The following ODF2 variants were observed in gnomAD, a reference collection of about 807,000 sequenced individuals.
ODF2 encodes the protein outer dense fiber of sperm tails 2.
A neutral mutation model predicts 110.2 loss-of-function variants in ODF2; 47 were observed. The ratio of observed to expected loss-of-function variants is 0.43; its 90% CI spans 0.34 to 0.54. The LOEUF (loss-of-function observed/expected upper bound fraction) is 0.54, where lower values mean the gene tolerates loss of function less well. Among genes scored for constraint, ODF2 ranks in the 20% least tolerant of loss-of-function variants. ODF2 has a pLI of 0.03. For missense variants in ODF2, 812 were observed against 1,054.5 expected (o/e 0.77, Z 3.19); for synonymous variants, 352 against 397.7 (o/e 0.89, Z 1.37).
At chr9:128,469,988 A>C (rs1489893895) in intron 5 of ODF2, among the ~76,000 whole-genome samples, 10 of 22,702 alleles carry the variant, frequency 4.4e-4, no homozygotes, top group African/African-American at 2.1e-3. Flanking sequence ...TGTCTCAAAA[A>C]AAAAAAAAAA....
intron 8 of ODF2, among the ~76,000 whole-genome samples, chr9:128,479,961 G>T (rs530508727): frequency 6.6e-6 from 1 of 152,074 alleles, no homozygotes; most frequent in African/African-American, 2.4e-5. Flanking sequence ...TGAATTTTAC[G>T]CTTAAAAATG....
At chr9:128,482,687 T>C in intron 9 of ODF2, 129 bp from the exon 10 acceptor site, 2 of 564,710 alleles carry the variant, frequency 3.5e-6, no homozygotes, top group South Asian at 2.7e-5. Flanking sequence ...CCTACCAGAA[T>C]CTCTGACATG....
chr9:128,469,744 C>T lies in ODF2; in HGVS notation c.420+391C>T, dbSNP rs1839232462. 2.6e-5 allele frequency among the ~76,000 whole-genome samples: 4 copies of T among 151,410 alleles called. 1 individual carries two copies. In the South Asian group the frequency reaches 8.4e-4, roughly 32 times the overall value. Reference sequence around the variant, plus strand: ...GCATGGTGGCTCACGCCTGTAATCCCAGCACTTTGGGAGGCGGATCCCCTG... The same window carrying T: ...GCATGGTGGCTCACGCCTGTAATCCTAGCACTTTGGGAGGCGGATCCCCTG... On this transcript the variant is annotated intron_variant, in intron 5 of 20. Coordinates refer to ENST00000604420, the Ensembl canonical transcript of ODF2.
At chr9:128,457,732 C>T (rs747697757) in intron 2 of ODF2, among the ~76,000 whole-genome samples, 1 of 151,938 alleles carries the variant, frequency 6.6e-6, no homozygotes. Flanking sequence ...TGAAGGGAGT[C>T]GAGGTGTAAA....
chr9:128,455,288 A>C (rs1382161200), upstream of ODF2: 94 of 1,485,824 alleles, frequency 6.3e-5, no homozygotes, highest in Non-Finnish European at 8.2e-5. Context: ...GCGGAGGCTC[A>C]AGCCTGTAAT....
Position 128,485,573 on chromosome 9 carries a change from G to C in ODF2, c.1400+99G>C, listed in dbSNP as rs1052281986. Reference sequence around the variant, plus strand: ...GCTCAGGGAAGGCCACGTGGCTGCTGTTTGTACTCTCCGGGTTGGGGGCTG... The same window carrying C: ...GCTCAGGGAAGGCCACGTGGCTGCTCTTTGTACTCTCCGGGTTGGGGGCTG... On this transcript the variant is annotated intron_variant, in intron 13 of 20. Transcript: ENST00000604420. The surrounding 1 kb of genome is among the most constrained non-coding windows in gnomAD (Gnocchi z 5.0). 16 of 672,360 alleles carry C rather than the reference G, an allele frequency of 2.4e-5. No individual in the cohort carries two copies. In the South Asian group the frequency reaches 2.4e-4, roughly 10 times the overall value. The allele number at this position is 672,360 out of a possible 1,614,324, so 41.6% of individuals were successfully genotyped here.
At chr9:128,456,458 G>A in intron 1 of ODF2, 3 of 1,517,650 alleles carry the variant, frequency 2.0e-6, no homozygotes, top group Non-Finnish European at 2.6e-6. Flanking sequence ...CCGCTAACGG[G>A]CGGTCGGCCG....
At chr9:128,465,465 G>T (rs1283863898) in intron 4 of ODF2, among the ~76,000 whole-genome samples, 3 of 152,038 alleles carry the variant, frequency 2.0e-5, no homozygotes, top group Non-Finnish European at 4.4e-5. Context: ...GTGATCAGCC[G>T]GGCGCGGTGG....
rs1167647101 is a variant in ODF2, at chr9:128,477,168, A to G, written c.843+3427A>G. On this transcript the variant is annotated intron_variant, in intron 8 of 20. Coordinates refer to ENST00000604420, the Ensembl canonical transcript of ODF2. Reference sequence around the variant, plus strand: ...AATTGCTTGAACCCAGGAGGGGGGAAGTTGCAGTGAGCCTAGATTGCACCA... The same window carrying G: ...AATTGCTTGAACCCAGGAGGGGGGAGGTTGCAGTGAGCCTAGATTGCACCA... Among the ~76,000 whole-genome samples the G allele has an allele frequency of 3.4e-5, 5 of 148,632 alleles. No individual in the cohort carries two copies. The East Asian group carries it at 6.2e-4, about 19-fold the overall frequency.
At position 128,472,991 on chromosome 9, in the gene ODF2, G is replaced by A. The variant is rs745998514; in HGVS notation, c.660G>A (p.Ala220=). Reference sequence around the variant, plus strand: ...TGGAGGCGGAAATGGATGGGGCTGCGGCTGCCAAGCAGGTCATGGCCTTGA... The same window carrying A: ...TGGAGGCGGAAATGGATGGGGCTGCAGCTGCCAAGCAGGTCATGGCCTTGA... Residue 220 remains alanine, a synonymous_variant, in exon 7 of 21, where the codon GCG becomes GCA. Coordinates refer to ENST00000604420, the Ensembl canonical transcript of ODF2. The A allele has an allele frequency of 3.5e-5, 56 of 1,614,000 alleles. No homozygotes were observed. The East Asian group carries it at 4.7e-4, about 13-fold the overall frequency.
At position 128,471,421 on chromosome 9, in the gene ODF2, G is replaced by T. The variant is rs780524473; in HGVS notation, c.534G>T (p.Val178=). ...CTGAGACTGAGCACGAGAACACGGT[G>T]TTGAGGCACAACATCGAGCGCATGA... is the stretch of plus-strand genomic sequence containing the variant. Residue 178 remains valine, a synonymous_variant, in exon 6 of 21, where the codon GTG becomes GTT. Transcript: ENST00000604420. The T allele has an allele frequency of 2.5e-6, 4 of 1,613,448 alleles. No homozygotes were observed. The East Asian group carries it at 8.9e-5, about 36-fold the overall frequency.
chr9:128,461,190 G>C (rs1046243875), intron 4 of ODF2, 123 bp downstream of exon 4: 63 of 1,256,842 alleles, frequency 5.0e-5, no homozygotes, highest in Admixed American at 7.4e-5. Flanking sequence ...CATTTACTGA[G>C]GGCCTTGCTA....
At chr9:128,500,303 A>G in exon 21 of ODF2, 3 of 1,590,508 alleles carry the variant, frequency 1.9e-6, no homozygotes, top group African/African-American at 1.3e-5. Context: ...TAGGAACTCC[A>G]GAGTTGCCAA....
chr9:128,483,910 C>A lies in ODF2; in HGVS notation c.988-28C>A, dbSNP rs373021257. On this transcript the variant is annotated intron_variant, in intron 10 of 20. Coordinates refer to ENST00000604420, the Ensembl canonical transcript of ODF2. ...GAAAAAAACAAACAAAAAATTGTGC[C>A]TCCATCACTTTTTCCGTCTCTCCAC... 4.7e-6 allele frequency: 7 copies of A among 1,502,436 alleles called. No individual in the cohort carries two copies. The African/African-American group carries it at 8.3e-5, about 18-fold the overall frequency. 93.1% of individuals were successfully genotyped at this position (1,502,436 alleles called of 1,614,324 possible).
chr9:128,496,380 T>A, intron 18 of ODF2: 1 of 1,350,348 alleles, frequency 7.4e-7, no homozygotes, highest in Non-Finnish European at 9.7e-7. Flanking sequence ...TGCCCACCTG[T>A]AGGCACCACC....
At chr9:128,457,368 G>A in exon 2 of ODF2, 4 of 1,612,682 alleles carry the variant, frequency 2.5e-6, no homozygotes, top group Non-Finnish European at 3.4e-6. Context: ...AGAGCCTGCT[G>A]ACCCAATTGC....
intron 11 of ODF2, 25 bp downstream of exon 11, chr9:128,484,079 G>GCC: frequency 6.5e-7 from 1 of 1,542,690 alleles, no homozygotes; most frequent in Non-Finnish European, 8.9e-7. Context: ...CACAAGTGGG[G>GCC]AAAGAGGAGG....
chr9:128,481,605 A>T lies in ODF2; in HGVS notation c.869A>T (p.Gln290Leu). 1.2e-6 allele frequency: 2 copies of T among 1,614,038 alleles called. 1 individual carries two copies. Among genetic ancestry groups the T allele is most frequent in the South Asian group, 2.2e-5 (2 of 91,058 alleles). The change falls in exon 9 of 21, where the codon CAA becomes CTA. Residue 290 changes from glutamine (Q) to leucine (L), a missense_variant. Gln to Leu is a moderately radical substitution (Grantham distance 113). Around this residue, in one of 5 missense-constraint regions of ODF2, gnomAD observed 219 missense variants for 321.3 expected, o/e 0.68. Transcript: ENST00000604420. ...GATTCTGAAAGACTAATGGAGCAACAAGGAGCACTGCTGAAACGGCTGGCG... is the reference window on the plus strand; with the variant it reads ...GATTCTGAAAGACTAATGGAGCAACTAGGAGCACTGCTGAAACGGCTGGCG...
chr9:128,499,995 A>G, intron 20 of ODF2, 72 bp from the exon 21 acceptor site: 1 of 1,549,696 alleles, frequency 6.5e-7, no homozygotes, highest in Non-Finnish European at 8.8e-7. Flanking sequence ...CTCCTAAGAA[A>G]GTCCCTATGT....
Sources: allele counts gnomAD v4.1 joint callset (sites outside exome capture counted in the v4.1 genomes callset), GRCh38; gene constraint gnomAD v4.1.1; regional missense constraint gnomAD v4.1.1; non-coding constraint Gnocchi (gnomAD v3.1); transcripts MANE v1.5; gene names NCBI Gene and HGNC (gene_info 2026-07-23, HGNC 2026-07-21).